The following LYRM9 variants were observed in gnomAD, a reference collection of about 807,000 sequenced individuals.
LYRM9 encodes the protein LYR motif-containing protein 9.
In LYRM9, 14 loss-of-function variants were observed where a neutral mutation model predicts 12.6. The ratio of observed to expected loss-of-function variants is 1.11; its 90% CI spans 0.73 to 1.73. The LOEUF is 1.73. LYRM9 is among the 40% of genes most tolerant of loss of function. The probability of loss-of-function intolerance (pLI) is 0.00; values close to 1 mark genes in which losing one functional copy is unlikely to be tolerated. For missense variants in LYRM9, 94 were observed against 95.0 expected (o/e 0.99, Z 0.04); for synonymous variants, 42 against 35.1 (o/e 1.20, Z -0.69).
At position 27,882,697 on chromosome 17, in the gene LYRM9, G is replaced by A. The variant is rs201215927; in HGVS notation, c.-3C>T. 7.4e-5 allele frequency: 119 copies of A among 1,597,924 alleles called. No homozygotes were observed. Among genetic ancestry groups the A allele is most frequent in the South Asian group, 1.9e-4 (17 of 88,022 alleles). ...TCTGCTCCTGGCAGCGGGGCCATCC[G>A]TGAGACCCTCTGTCCCTGGAAAACA... On this transcript the variant is annotated 5_prime_UTR_variant, in exon 2 of 4. It adds an upstream start codon to the 5' untranslated region. Transcript: ENST00000379102.
rs1486552485 is a variant in LYRM9, at chr17:27,886,681, C to T, written c.-18-3969G>A. Among the ~76,000 whole-genome samples the T allele has an allele frequency of 6.8e-6, 1 of 147,502 alleles. No homozygotes were observed. The highest frequency in any genetic ancestry group is 1.5e-5 in the Non-Finnish European group (1 of 67,396). On this transcript the variant is annotated intron_variant, in intron 1 of 3. Transcript: ENST00000379102. The surrounding 1 kb of genome is among the most constrained non-coding windows in gnomAD (Gnocchi z 4.8). ...TTTTTTTTTTTGAGACAGAGTTTCGCTCTTGTTGCCCAGGCTGGAGTGCAA... is the reference window on the plus strand; with the variant it reads ...TTTTTTTTTTTGAGACAGAGTTTCGTTCTTGTTGCCCAGGCTGGAGTGCAA...
At chr17:27,881,920 C>T (rs904498405) in intron 2 of LYRM9, among the ~76,000 whole-genome samples, 1 of 152,074 alleles carries the variant, frequency 6.6e-6, no homozygotes, top group Non-Finnish European at 1.5e-5. Flanking sequence ...AATCCTCCCA[C>T]CTCATTGTTT....
At chr17:27,880,476 C>T (rs1905013510) in intron 2 of LYRM9, 110 bp from the exon 3 acceptor site, 3 of 699,546 alleles carry the variant, frequency 4.3e-6, no homozygotes, top group Non-Finnish European at 7.5e-6. Context: ...TACCCAGCAG[C>T]TCTCTTCATC....
chr17:27,883,805 C>T (rs1905144894), intron 1 of LYRM9, among the ~76,000 whole-genome samples: 1 of 114,904 alleles, frequency 8.7e-6, no homozygotes, highest in East Asian at 2.8e-4. Context: ...TGGATTTGAA[C>T]TCTGGCAGTC....
At chr17:27,890,098 T>C (rs1383301613) in intron 1 of LYRM9, among the ~76,000 whole-genome samples, 7 of 152,228 alleles carry the variant, frequency 4.6e-5, no homozygotes, top group East Asian at 1.9e-4. Context: ...AAGGCTAGTA[T>C]AGAGCAAGGC....
At chr17:27,882,548 C>A in intron 2 of LYRM9, 21 bp downstream of exon 2, 13 of 1,560,066 alleles carry the variant, frequency 8.3e-6, no homozygotes, top group South Asian at 1.2e-5. Context: ...AGCCCCCAGA[C>A]CTGGTAGAGC....
In LYRM9 at chr17:27,892,544, C is replaced by T. The variant is rs375667085; in HGVS notation, c.-19+773G>A. 2.3e-4 allele frequency: 89 copies of T among 393,096 alleles called. 2 individuals are homozygous for T. In the East Asian group the frequency reaches 3.4e-3, roughly 15 times the overall value. 24.4% of individuals were successfully genotyped at this position (393,096 alleles called of 1,614,324 possible). On this transcript the variant is annotated intron_variant, in intron 1 of 3. Coordinates refer to ENST00000379102, the MANE Select transcript of LYRM9 (RefSeq NM_001076680.3). ...TACGCTAAGTGAACAAACCCAGTCACAAGGGGCTACTTAATGTATGATTCC... is the reference window on the plus strand; with the variant it reads ...TACGCTAAGTGAACAAACCCAGTCATAAGGGGCTACTTAATGTATGATTCC...
intron 3 of LYRM9, chr17:27,879,899 A>G (rs999901809): frequency 3.4e-6 from 2 of 588,796 alleles, no homozygotes; most frequent in Non-Finnish European, 6.0e-6. Flanking sequence ...CCCAGTGTGA[A>G]TACCCCCCAG....
chr17:27,893,212 A>G (rs372289597), intron 1 of LYRM9, 105 bp downstream of exon 1: 1 of 152,304 alleles, frequency 6.6e-6, no homozygotes, highest in Admixed American at 6.6e-5. Context: ...ATCCGAGGAC[A>G]CCCGAGGCCT....
chr17:27,887,713 G>GGGGTGTGTGTGT (rs1485417792), intron 1 of LYRM9, among the ~76,000 whole-genome samples: 29 of 86,730 alleles, frequency 3.3e-4, no homozygotes, highest in South Asian at 1.2e-3. Context: ...TAGGAGGGAG[G>GGGGTGTGTGTGT]GTGTGTGTGT....
intron 1 of LYRM9, chr17:27,883,409 C>T (rs762689453): frequency 4.5e-5 from 8 of 175,962 alleles, no homozygotes; most frequent in East Asian, 1.8e-4. Flanking sequence ...TAGTGGCTCA[C>T]GCCTTTAAGT....
chr17:27,881,679 C>A (rs1205673526), intron 2 of LYRM9, among the ~76,000 whole-genome samples: 1 of 152,158 alleles, frequency 6.6e-6, no homozygotes, highest in Non-Finnish European at 1.5e-5. Context: ...CCTAAACATT[C>A]CCATGTGTAG....
At chr17:27,881,469 G>A (rs1421116844) in intron 2 of LYRM9, among the ~76,000 whole-genome samples, 1 of 148,804 alleles carries the variant, frequency 6.7e-6, no homozygotes, top group Non-Finnish European at 1.5e-5. Context: ...CATATTATAT[G>A]TGTATGAATT....
intron 1 of LYRM9, among the ~76,000 whole-genome samples, chr17:27,888,549 C>T (rs1175197221): frequency 6.6e-6 from 1 of 152,150 alleles, no homozygotes; most frequent in Non-Finnish European, 1.5e-5. Context: ...GAGACGCAGG[C>T]AGAAGGATTT....
At chr17:27,882,449 C>T in intron 2 of LYRM9, 120 bp downstream of exon 2, 1 of 1,344,364 alleles carries the variant, frequency 7.4e-7, no homozygotes, top group Non-Finnish European at 9.8e-7. Context: ...TGGCTCTTCC[C>T]ACACTGCCAC....
intron 1 of LYRM9, among the ~76,000 whole-genome samples, chr17:27,888,573 C>T (rs1905314148): frequency 1.3e-5 from 2 of 152,156 alleles, no homozygotes; most frequent in African/African-American, 4.8e-5. Context: ...GGTGACATGT[C>T]ATCAGGTCTG....
rs750189585 is a variant in LYRM9, at chr17:27,879,218, A to G, written c.*255T>C. The G allele has an allele frequency of 2.3e-6, 1 of 430,994 alleles. No individual in the cohort carries two copies. The allele number at this position is 430,994 out of a possible 1,614,324, so 26.7% of individuals were successfully genotyped here. On this transcript the variant is annotated 3_prime_UTR_variant, in exon 4 of 4. Coordinates refer to ENST00000379102, the MANE Select transcript of LYRM9 (RefSeq NM_001076680.3). ...AAAAGAACAAAAACACAAAAATAAA[A>G]AACACACAAAAGAAGCAAAAAAATA...
chr17:27,891,179 G>A (rs1905431827), intron 1 of LYRM9, among the ~76,000 whole-genome samples: 1 of 152,006 alleles, frequency 6.6e-6, no homozygotes, highest in Non-Finnish European at 1.5e-5. Flanking sequence ...TCTACCCATG[G>A]CCTTCTGAGA....
chr17:27,888,050 G>T (rs898742778), intron 1 of LYRM9, among the ~76,000 whole-genome samples: 1 of 152,168 alleles, frequency 6.6e-6, no homozygotes, highest in Non-Finnish European at 1.5e-5. Context: ...AATCTCACCC[G>T]CATTGAAACA....
Sources: gnomAD v4.1 joint callset for allele counts (sites outside exome capture counted in the v4.1 genomes callset) on GRCh38, gnomAD v4.1.1 for gene constraint, Gnocchi (gnomAD v3.1) non-coding constraint, MANE v1.5 for transcripts, NCBI Gene and HGNC (gene_info 2026-07-23, HGNC 2026-07-21) for gene names.